CCDC171: variants seen among roughly 807,000 people sequenced by gnomAD.
CCDC171 encodes coiled-coil domain containing 171, also known as coiled-coil domain-containing protein 171.
Under a neutral mutation model 168.2 loss-of-function variants are expected in CCDC171, and 177 were observed. That is an observed-to-expected ratio of 1.05 (90% CI 0.93 to 1.19). CCDC171 has a LOEUF of 1.19. Among genes scored for constraint, CCDC171 ranks in the 50% most tolerant of loss-of-function variants. The pLI, the probability that CCDC171 is intolerant of heterozygous loss-of-function variation, is 0.00. For synonymous variants in CCDC171, 687 were observed against 540.8 expected (o/e 1.27, Z -3.75); for missense variants, 1,991 against 1,539.0 (o/e 1.29, Z -4.91).
chr9:15,564,851 T>A (rs574091427), intron 2 of CCDC171, among the ~76,000 whole-genome samples: 9 of 152,288 alleles, frequency 5.9e-5, no homozygotes, highest in South Asian at 4.1e-4. Flanking sequence ...GAGTAAAACA[T>A]TTGGGGTTGT....
chr9:15,940,168 G>A (rs1034759392), intron 25 of CCDC171, among the ~76,000 whole-genome samples: 15 of 151,866 alleles, frequency 9.9e-5, no homozygotes, highest in African/African-American at 2.7e-4. Flanking sequence ...AATTATCTTT[G>A]AAATAATGAA....
chr9:15,770,608 A>G (rs932082448), intron 18 of CCDC171, among the ~76,000 whole-genome samples: 3 of 152,200 alleles, frequency 2.0e-5, no homozygotes, highest in African/African-American at 7.2e-5. Context: ...ATAATACAAT[A>G]TAAATGGGAG....
intron 9 of CCDC171, among the ~76,000 whole-genome samples, chr9:15,674,334 G>A (rs1191706458): frequency 6.6e-6 from 1 of 152,024 alleles, no homozygotes; most frequent in Non-Finnish European, 1.5e-5. Flanking sequence ...TTGACTTTTT[G>A]AAGGGTTTTT....
At chr9:16,047,802 T>C (rs1249716233) in intron 1 of CCDC171, among the ~76,000 whole-genome samples, 2 of 152,228 alleles carry the variant, frequency 1.3e-5, no homozygotes, top group Non-Finnish European at 2.9e-5. Context: ...AAAGCACTTT[T>C]AAGAGTGCCT....
chr9:15,788,970 C>T lies in CCDC171; in HGVS notation c.3267+4276C>T, dbSNP rs1293999386. Reference sequence around the variant, plus strand: ...GATTAGACATTCCCTGCAATAAATGCACTGCATTTATTGCATAAATGCACA... The same window carrying T: ...GATTAGACATTCCCTGCAATAAATGTACTGCATTTATTGCATAAATGCACA... On this transcript the variant is annotated intron_variant, in intron 21 of 25. Transcript: ENST00000380701. Among the ~76,000 whole-genome samples the T allele has an allele frequency of 2.0e-5, 3 of 151,440 alleles. No individual in the cohort carries two copies. The South Asian group carries it at 6.3e-4, about 32-fold the overall frequency.
intron 3 of CCDC171, among the ~76,000 whole-genome samples, chr9:16,009,214 TC>T (rs1478751238): frequency 1.6e-4 from 25 of 152,248 alleles, no homozygotes; most frequent in African/African-American, 5.8e-4. Context: ...AAATGTCCTT[TC>T]AAACTAGAGT....
chr9:15,744,267 C>T lies in CCDC171; in HGVS notation c.2050-6C>T. Reference sequence around the variant, plus strand: ...GATCAAATATATTTTTTGACTTCTTCCATAGAAATTTCAAGAAATTGCTGA... The same window carrying T: ...GATCAAATATATTTTTTGACTTCTTTCATAGAAATTTCAAGAAATTGCTGA... On this transcript the variant is annotated splice_polypyrimidine_tract_variant and splice_region_variant and intron_variant, in intron 16 of 25. Coordinates refer to ENST00000380701, the MANE Select transcript of CCDC171 (RefSeq NM_173550.4). The T allele has an allele frequency of 6.4e-7, 1 of 1,568,434 alleles. No individual in the cohort carries two copies. The highest frequency in any genetic ancestry group is 8.6e-7 in the Non-Finnish European group (1 of 1,158,726).
chr9:15,685,933 T>G (rs895124459), intron 10 of CCDC171, among the ~76,000 whole-genome samples: 2 of 152,158 alleles, frequency 1.3e-5, no homozygotes, highest in African/African-American at 4.8e-5. Context: ...GAACATTAGC[T>G]TCTTTTTAAG....
intron 3 of CCDC171, among the ~76,000 whole-genome samples, chr9:16,013,370 C>T (rs192500545): frequency 2.3e-3 from 350 of 152,270 alleles, no homozygotes; most frequent in African/African-American, 8.0e-3. Context: ...TTAATATTCC[C>T]AGGTGTAGTT....
At chr9:15,563,522 C>CTA (rs1174147986) in intron 1 of CCDC171, among the ~76,000 whole-genome samples, 1 of 152,098 alleles carries the variant, frequency 6.6e-6, no homozygotes, top group African/African-American at 2.4e-5. Flanking sequence ...GATCACAATG[C>CTA]TATATATAAA....
chr9:15,884,578 T>C (rs1019543311), intron 24 of CCDC171, among the ~76,000 whole-genome samples: 1 of 152,162 alleles, frequency 6.6e-6, no homozygotes, highest in South Asian at 2.1e-4. Context: ...TTTCATTTTC[T>C]GGGGAAGGAG....
chr9:15,625,456 C>G (rs1164947861), intron 7 of CCDC171, among the ~76,000 whole-genome samples: 1 of 152,166 alleles, frequency 6.6e-6, no homozygotes, highest in Non-Finnish European at 1.5e-5. Context: ...TTAGGTCTAA[C>G]ATTTAAGTCT....
chr9:15,789,450 C>A (rs1326669697), intron 21 of CCDC171, among the ~76,000 whole-genome samples: 1 of 152,080 alleles, frequency 6.6e-6, no homozygotes, highest in African/African-American at 2.4e-5. Flanking sequence ...TGCTTAATAA[C>A]CTGAAAGTGA....
intron 1 of CCDC171, among the ~76,000 whole-genome samples, chr9:15,559,124 A>G (rs963633333): frequency 2.0e-5 from 3 of 152,094 alleles, no homozygotes; most frequent in Non-Finnish European, 2.9e-5. Context: ...CTGTTCTTTT[A>G]CATTTGCTGA....
At chr9:15,648,937 C>G (rs1447020479) in intron 7 of CCDC171, among the ~76,000 whole-genome samples, 2 of 152,150 alleles carry the variant, frequency 1.3e-5, no homozygotes, top group Non-Finnish European at 2.9e-5. Context: ...ACCGCATTGC[C>G]AAGACAATCC....
chr9:15,597,422 G>T (rs993343431), intron 6 of CCDC171, among the ~76,000 whole-genome samples: 1 of 152,116 alleles, frequency 6.6e-6, no homozygotes, highest in Non-Finnish European at 1.5e-5. Flanking sequence ...TTTGTCTTTG[G>T]TTCTGTTTAT....
chr9:15,769,112 A>G (rs533463691), intron 18 of CCDC171, among the ~76,000 whole-genome samples: 101 of 152,356 alleles, frequency 6.6e-4, no homozygotes, highest in African/African-American at 2.1e-3. Flanking sequence ...TTTAAAAGGA[A>G]TTTATTACAT....
At chr9:15,625,776 C>T (rs1435643515) in intron 7 of CCDC171, among the ~76,000 whole-genome samples, 5 of 152,100 alleles carry the variant, frequency 3.3e-5, no homozygotes, top group African/African-American at 1.2e-4. Context: ...GTTCTTTTTG[C>T]TTAGGATTGT....
chr9:15,817,408 C>T lies in CCDC171; in HGVS notation c.3268-29294C>T, dbSNP rs964285565. ...AAGCAGGGCGAGGCATTGCGTCACC[C>T]GGGAAGCACAAGGGGTCAGGGAATT... On this transcript the variant is annotated intron_variant, in intron 21 of 25. Transcript: ENST00000380701. Among the ~76,000 whole-genome samples, 7 of 118,102 alleles carry T rather than the reference C, an allele frequency of 5.9e-5. 1 individual carries two copies. The highest frequency in any genetic ancestry group is 9.5e-5 in the African/African-American group (3 of 31,466). 77.5% of individuals were successfully genotyped at this position (118,102 alleles called of 152,430 possible). A position where few individuals can be genotyped will look rare whatever the true frequency, so the allele number is the denominator to read the frequency against.
Sources: gnomAD v4.1 joint callset for allele counts (sites outside exome capture counted in the v4.1 genomes callset) on GRCh38, gnomAD v4.1.1 for gene constraint, MANE v1.5 for transcripts, NCBI Gene and HGNC (gene_info 2026-07-23, HGNC 2026-07-21) for gene names.